Variants in NME9 observed in about 807,000 individuals in gnomAD.
NME9 encodes thioredoxin domain-containing protein 6.
A neutral mutation model predicts 44.4 loss-of-function variants in NME9; 48 were observed. That is an observed-to-expected ratio of 1.08 (90% CI 0.86 to 1.37). NME9 has a LOEUF of 1.37. Ranked by LOEUF, NME9 falls within the 40% of genes most tolerant of loss-of-function variation. NME9 has a pLI of 0.00. For missense variants in NME9, 325 were observed against 405.2 expected, an observed-to-expected ratio of 0.80 and a Z score of 1.70; for synonymous variants, 139 against 147.1, an observed-to-expected ratio of 0.94 and a Z score of 0.40.
At chr3:138,298,429 C>T (rs931236229), downstream of NME9, 1 of 152,146 alleles carries the variant, frequency 6.6e-6, no homozygotes, top group Non-Finnish European at 1.5e-5. Context: ...TAGGAAACAT[C>T]AGAAGATAAT....
Position 138,286,686 on chromosome 3 carries a change from T to A in NME9, c.745+16821A>T, listed in dbSNP as rs188509701. ...TAGGGTTATAGCCTGGGCATCAGGA[T>A]TTTTTTTTAAGATCACTGGGTGGTT... is the stretch of plus-strand genomic sequence containing the variant. On this transcript the variant is annotated intron_variant, in intron 8 of 8. Transcript: ENST00000317876. Among the ~76,000 whole-genome samples the A allele has an allele frequency of 3.1e-4, 47 of 151,816 alleles. 1 individual carries two copies. Among genetic ancestry groups the A allele is most frequent in the Non-Finnish European group, 4.7e-4 (32 of 67,886 alleles).
At chr3:138,276,659 A>T (rs1259941194) in intron 8 of NME9, among the ~76,000 whole-genome samples, 1 of 149,156 alleles carries the variant, frequency 6.7e-6, no homozygotes, top group African/African-American at 2.6e-5. Flanking sequence ...GATATTAAAC[A>T]GTACCATTTG....
rs1051442592 is a variant in NME9, at chr3:138,301,161, T to C, written c.*479A>G. The C allele has an allele frequency of 2.1e-6, 2 of 943,132 alleles. No individual in the cohort carries two copies. The highest frequency in any genetic ancestry group is 2.5e-6 in the Non-Finnish European group (2 of 791,652). 58.4% of individuals were successfully genotyped at this position (943,132 alleles called of 1,614,324 possible). On this transcript the variant is annotated 3_prime_UTR_variant, in exon 11 of 11. Coordinates refer to ENST00000333911, the MANE Select transcript of NME9 (RefSeq NM_001349018.2). ...AAAAAAACTGCGTTCTACATACTGT[T>C]TAATAAGGCAGAAAAGTATATACTA...
At position 138,280,491 on chromosome 3, in the gene NME9, T is replaced by A. The variant is rs2049785756; in HGVS notation, c.746-17905A>T. ...CACCACCATGCCTGGTTACTTTCTT[T>A]TTTTTCTTTTTTTTTTTTTTGAGAC... On this transcript the variant is annotated intron_variant, in intron 8 of 8. Transcript: ENST00000317876. Among the ~76,000 whole-genome samples, 4 of 148,924 alleles carry A rather than the reference T, an allele frequency of 2.7e-5. No individual in the cohort carries two copies. The South Asian group carries it at 6.4e-4, about 24-fold the overall frequency.
At chr3:138,296,091 CTTGTG>C (rs550025232), downstream of NME9, 2,341 of 502,674 alleles carry the variant, frequency 4.7e-3, 12 homozygotes, top group Non-Finnish European at 4.5e-3. Flanking sequence ...TCAGAAGACT[CTTGTG>C]TTTTGTTTTG....
intron 5 of NME9, among the ~76,000 whole-genome samples, chr3:138,315,070 A>T (rs908850911): frequency 2.0e-5 from 3 of 152,230 alleles, no homozygotes; most frequent in African/African-American, 7.2e-5. Flanking sequence ...TGCTGATTCT[A>T]TTTCTCATGA....
chr3:138,274,221 A>G (rs2049051347), intron 8 of NME9, among the ~76,000 whole-genome samples: 1 of 146,436 alleles, frequency 6.8e-6, no homozygotes, highest in South Asian at 2.1e-4. Context: ...TGTATGTGTA[A>G]TGTGTATATA....
intron 8 of NME9, among the ~76,000 whole-genome samples, chr3:138,278,027 C>A (rs897715450): frequency 6.6e-6 from 1 of 152,050 alleles, no homozygotes; most frequent in Admixed American, 6.5e-5. Context: ...CTATATGATC[C>A]CATCTATATG....
chr3:138,263,801 G>A, intron 8 of NME9: 1 of 1,613,972 alleles, frequency 6.2e-7, no homozygotes, highest in Non-Finnish European at 8.5e-7. Context: ...CTAGTGTCAA[G>A]GTGCGGTTAG....
At chr3:138,317,711 A>G (rs1400695581) in intron 4 of NME9, among the ~76,000 whole-genome samples, 1 of 152,226 alleles carries the variant, frequency 6.6e-6, no homozygotes, top group Non-Finnish European at 1.5e-5. Flanking sequence ...TTACGGAGCA[A>G]AGGATAGAAA....
intron 8 of NME9, chr3:138,263,696 A>T: frequency 1.3e-6 from 2 of 1,494,842 alleles, no homozygotes; most frequent in Non-Finnish European, 1.9e-6. Flanking sequence ...GAAGTTTGTC[A>T]CCTTCATGTT....
intron 2 of NME9, among the ~76,000 whole-genome samples, chr3:138,320,616 G>A (rs1360457479): frequency 1.3e-5 from 2 of 152,212 alleles, no homozygotes; most frequent in African/African-American, 4.8e-5. Context: ...TATAGAAACT[G>A]GTGGCACTGT....
intron 8 of NME9, chr3:138,270,037 C>T (rs1229539232): frequency 2.5e-6 from 4 of 1,608,416 alleles, no homozygotes; most frequent in Non-Finnish European, 2.6e-6. Context: ...TGTCCAATGG[C>T]AGCCAATTTT....
chr3:138,264,864 T>C (rs1020860200), intron 8 of NME9, among the ~76,000 whole-genome samples: 7 of 151,724 alleles, frequency 4.6e-5, no homozygotes, highest in African/African-American at 7.3e-5. Context: ...ACAGAGATAA[T>C]GTGTTGTTCT....
rs769052807 is a variant in NME9 at position 138,329,224 on chromosome 3, T to C, written c.33+79A>G. On this transcript the variant is annotated intron_variant, in intron 1 of 10. Transcript: ENST00000333911. Reference sequence around the variant, plus strand: ...GCTGGCAAACAGAATGTCACTTTTATACTGCAACCCCGCTCTAATCACCCT... The same window carrying C: ...GCTGGCAAACAGAATGTCACTTTTACACTGCAACCCCGCTCTAATCACCCT... The C allele has an allele frequency of 4.6e-5, 58 of 1,267,508 alleles. 1 individual carries two copies. Among genetic ancestry groups the C allele is most frequent in the Non-Finnish European group, 6.4e-5 (58 of 905,130 alleles). The allele number at this position is 1,267,508 out of a possible 1,614,324, so 78.5% of individuals were successfully genotyped here.
chr3:138,320,572 A>G (rs942502913), intron 2 of NME9, among the ~76,000 whole-genome samples: 1 of 152,270 alleles, frequency 6.6e-6, no homozygotes, highest in Non-Finnish European at 1.5e-5. Flanking sequence ...AACTATTAAT[A>G]TAACACAATA....
At chr3:138,302,933 G>A (rs532503632) in intron 10 of NME9, among the ~76,000 whole-genome samples, 2 of 152,346 alleles carry the variant, frequency 1.3e-5, no homozygotes, top group South Asian at 4.1e-4. Flanking sequence ...GGACCCCTTG[G>A]GGTTCTCACC....
downstream of NME9, among the ~76,000 whole-genome samples, chr3:138,300,254 C>A (rs894380811): frequency 6.6e-6 from 1 of 152,194 alleles, no homozygotes; most frequent in Non-Finnish European, 1.5e-5. Flanking sequence ...ACAGTAGGGC[C>A]TACTGAAGGT....
intron 4 of NME9, among the ~76,000 whole-genome samples, chr3:138,317,306 G>A (rs1184870453): frequency 3.3e-5 from 5 of 152,196 alleles, no homozygotes; most frequent in Non-Finnish European, 7.3e-5. Flanking sequence ...CAGTGCTGAG[G>A]CCAGGAGGCT....
Sources: gnomAD v4.1 joint callset for allele counts (sites outside exome capture counted in the v4.1 genomes callset) on GRCh38, gnomAD v4.1.1 for gene constraint, MANE v1.5 for transcripts, NCBI Gene and HGNC (gene_info 2026-07-23, HGNC 2026-07-21) for gene names.